The following MRPL48 variants were observed in gnomAD, a reference collection of about 807,000 sequenced individuals.
The protein encoded by MRPL48 is mitochondrial ribosomal protein L48.
In MRPL48, 16 loss-of-function variants were observed where a neutral mutation model predicts 32.9. That is an observed-to-expected ratio of 0.49 (90% confidence interval 0.33 to 0.74). MRPL48 has a LOEUF of 0.74. Ranked by LOEUF, MRPL48 falls within the 30% of genes least tolerant of loss-of-function variation. The pLI is 0.02. For synonymous variants in MRPL48, 94 were observed against 89.2 expected (o/e 1.05, Z -0.31); for missense variants, 206 against 245.3 (o/e 0.84, Z 1.07).
intron 1 of MRPL48, among the ~76,000 whole-genome samples, chr11:73,791,060 A>G (rs774915659): frequency 1.0e-4 from 15 of 150,042 alleles, no homozygotes; most frequent in Non-Finnish European, 1.8e-4. Flanking sequence ...TAATTTTTGT[A>G]TTTTTTGTAG....
At chr11:73,844,366 G>T (rs779545075) in intron 4 of MRPL48, among the ~76,000 whole-genome samples, 22 of 152,080 alleles carry the variant, frequency 1.4e-4, no homozygotes, top group Non-Finnish European at 2.2e-4. Context: ...GGGAGGAAGA[G>T]GTTGCAGTGA....
rs57043817 is a variant in MRPL48 at position 73,811,452 on chromosome 11, T to TA, written c.112+3107dup. ...ATGTAGGGTGAAGGAGAGGTTTTTTTAAAAATTGTTTATCTCTTAATTATA... is the reference window on the plus strand; with the variant it reads ...ATGTAGGGTGAAGGAGAGGTTTTTTTAAAAAATTGTTTATCTCTTAATTATA... On this transcript the variant is annotated intron_variant, in intron 3 of 7. Coordinates refer to ENST00000310614, the MANE Select transcript of MRPL48 (RefSeq NM_016055.6). Among the ~76,000 whole-genome samples, 1,046 of 152,002 alleles carry TA rather than the reference T, an allele frequency of 6.9e-3. 14 individuals are homozygous for TA. Among genetic ancestry groups the TA allele is most frequent in the African/African-American group, 0.024 (998 of 41,446 alleles).
At chr11:73,862,779 G>A (rs975832184) in intron 6 of MRPL48, among the ~76,000 whole-genome samples, 3 of 152,060 alleles carry the variant, frequency 2.0e-5, no homozygotes, top group African/African-American at 4.8e-5. Flanking sequence ...AATTAGCCGG[G>A]ACTGGTGGCA....
intron 1 of MRPL48, among the ~76,000 whole-genome samples, chr11:73,798,905 C>T (rs150585746): frequency 0.069 from 10,383 of 151,340 alleles, 507 homozygotes; most frequent in Middle Eastern, 0.13. Flanking sequence ...GCCGGAGAAT[C>T]GCTTGAACCT....
intron 4 of MRPL48, among the ~76,000 whole-genome samples, chr11:73,834,263 A>G (rs1357842098): frequency 2.0e-5 from 3 of 152,332 alleles, no homozygotes; most frequent in African/African-American, 7.2e-5. Flanking sequence ...AGCTACCATA[A>G]TAGAGAGACC....
intron 5 of MRPL48, among the ~76,000 whole-genome samples, chr11:73,849,942 A>T (rs1948360027): frequency 6.6e-6 from 1 of 152,202 alleles, no homozygotes; most frequent in Non-Finnish European, 1.5e-5. Context: ...TACATAAAAA[A>T]TACAAAAACT....
rs184215487 is a variant in MRPL48 at position 73,791,502 on chromosome 11, C to T, written c.21+3510C>T. On this transcript the variant is annotated intron_variant, in intron 1 of 7. Transcript: ENST00000310614. ...AGTGATCTCAGTTCACTGCAACCTC[C>T]GCCTCCTGGGCTCAAGCGATCCTCT... is the stretch of plus-strand genomic sequence containing the variant. Among the ~76,000 whole-genome samples, 183 of 151,534 alleles carry T rather than the reference C, an allele frequency of 1.2e-3. 1 individual carries two copies. The highest frequency in any genetic ancestry group is 4.2e-3 in the African/African-American group (172 of 41,310).
At chr11:73,825,273 GTT>G (rs949573597) in intron 3 of MRPL48, among the ~76,000 whole-genome samples, 12 of 121,102 alleles carry the variant, frequency 9.9e-5, no homozygotes, top group African/African-American at 1.6e-4. Flanking sequence ...CTGTTACCTT[GTT>G]TTTTATATAT....
chr11:73,808,771 A>G (rs1463607352), intron 3 of MRPL48, among the ~76,000 whole-genome samples: 1 of 151,992 alleles, frequency 6.6e-6, no homozygotes, highest in Non-Finnish European at 1.5e-5. Flanking sequence ...AAAATACAAA[A>G]AATTAGCTGG....
At chr11:73,803,510 A>G (rs1947393964) in intron 1 of MRPL48, among the ~76,000 whole-genome samples, 1 of 151,870 alleles carries the variant, frequency 6.6e-6, no homozygotes, top group South Asian at 2.1e-4. Flanking sequence ...AGATTTCCTT[A>G]CTTTTTCTCT....
chr11:73,808,138 T>C (rs767347130), intron 2 of MRPL48, among the ~76,000 whole-genome samples, 175 bp from the exon 3 acceptor site: 3 of 152,206 alleles, frequency 2.0e-5, no homozygotes, highest in Non-Finnish European at 4.4e-5. Context: ...ATTCTCAGGA[T>C]GTGGCACTTT....
intron 5 of MRPL48, among the ~76,000 whole-genome samples, chr11:73,854,763 C>T (rs1031600339): frequency 2.6e-5 from 4 of 152,184 alleles, no homozygotes; most frequent in African/African-American, 4.8e-5. Context: ...AATGCCCTGG[C>T]TGCATTTGAG....
chr11:73,806,237 A>G (rs1004443369), intron 2 of MRPL48, among the ~76,000 whole-genome samples: 2 of 152,086 alleles, frequency 1.3e-5, no homozygotes, highest in African/African-American at 4.8e-5. Flanking sequence ...TAAAACCTGC[A>G]ATCTTTACCA....
intron 1 of MRPL48, among the ~76,000 whole-genome samples, chr11:73,794,327 A>C (rs1012907496): frequency 7.9e-5 from 12 of 151,990 alleles, no homozygotes; most frequent in African/African-American, 2.9e-4. Flanking sequence ...AGGCTGAGGC[A>C]GCGGGATCTC....
At chr11:73,788,583 C>T (rs1947093100) in intron 1 of MRPL48, among the ~76,000 whole-genome samples, 2 of 149,372 alleles carry the variant, frequency 1.3e-5, no homozygotes, top group Non-Finnish European at 1.5e-5. Context: ...AAGCGATTCT[C>T]CTGCCTCAGC....
chr11:73,857,137 C>G (rs979900910), intron 5 of MRPL48, among the ~76,000 whole-genome samples: 1 of 147,328 alleles, frequency 6.8e-6, no homozygotes, highest in Non-Finnish European at 1.5e-5. Context: ...AAGCATAGAC[C>G]TTTTTTTTTT....
intron 4 of MRPL48, among the ~76,000 whole-genome samples, chr11:73,827,456 C>T (rs1158801007): frequency 6.6e-6 from 1 of 152,112 alleles, no homozygotes; most frequent in Admixed American, 6.5e-5. Flanking sequence ...TAGTTCTAAG[C>T]ATTATGAAAT....
intron 3 of MRPL48, among the ~76,000 whole-genome samples, chr11:73,812,837 C>A (rs1469848380): frequency 6.6e-6 from 1 of 151,270 alleles, no homozygotes; most frequent in African/African-American, 2.4e-5. Context: ...GCAACCTCCA[C>A]CTCCTGGGTT....
chr11:73,793,898 G>T (rs938317098), intron 1 of MRPL48, among the ~76,000 whole-genome samples: 2 of 149,546 alleles, frequency 1.3e-5, no homozygotes, highest in Non-Finnish European at 3.0e-5. Context: ...GGAGAACAGG[G>T]TCTCGCTATA....
Sources: gnomAD v4.1 joint callset for allele counts (sites outside exome capture counted in the v4.1 genomes callset) on GRCh38, gnomAD v4.1.1 for gene constraint, MANE v1.5 for transcripts, NCBI Gene and HGNC (gene_info 2026-07-23, HGNC 2026-07-21) for gene names.